The following RBMS3 variants were observed in gnomAD, a reference collection of about 807,000 sequenced individuals.
RBMS3 encodes the protein RNA binding motif single stranded interacting protein 3.
In RBMS3, 27 loss-of-function variants were observed where a neutral mutation model predicts 66.8. The ratio of observed to expected loss-of-function variants is 0.40; its 90% CI spans 0.30 to 0.56. RBMS3 has a LOEUF of 0.56. Ranked by LOEUF, RBMS3 falls within the 20% of genes least tolerant of loss-of-function variation. The pLI is 0.40. For missense variants in RBMS3, 513 were observed against 549.5 expected (o/e 0.93, Z 0.66); for synonymous variants, 188 against 183.0 (o/e 1.03, Z -0.22).
chr3:29,419,556 T>C (rs2040617536), intron 1 of RBMS3, among the ~76,000 whole-genome samples: 1 of 152,154 alleles, frequency 6.6e-6, no homozygotes, highest in African/African-American at 2.4e-5. Context: ...TTAATACCAG[T>C]AGTGTTAGGA....
intron 12 of RBMS3, among the ~76,000 whole-genome samples, chr3:29,957,775 C>T (rs969115732): frequency 1.3e-5 from 2 of 152,090 alleles, no homozygotes; most frequent in South Asian, 2.1e-4. Flanking sequence ...TGTAAAAGTA[C>T]TTTTATACTC....
At chr3:29,816,948 G>A (rs946812085) in intron 6 of RBMS3, among the ~76,000 whole-genome samples, 7 of 151,970 alleles carry the variant, frequency 4.6e-5, no homozygotes, top group Admixed American at 6.5e-5. Context: ...AAAATTAGCC[G>A]GGCATGGTGG....
At chr3:29,989,129 G>T (rs927902992) in intron 13 of RBMS3, among the ~76,000 whole-genome samples, 2 of 152,124 alleles carry the variant, frequency 1.3e-5, no homozygotes, top group African/African-American at 4.8e-5. Flanking sequence ...TTACAGACAA[G>T]AAAGAAGTTG....
At chr3:29,478,973 CAT>C (rs1380389995) in intron 2 of RBMS3, among the ~76,000 whole-genome samples, 1 of 152,246 alleles carries the variant, frequency 6.6e-6, no homozygotes, top group East Asian at 1.9e-4. Context: ...AAACCTTACA[CAT>C]GTTTTTTTGT....
chr3:29,895,507 T>C (rs1326088688), intron 8 of RBMS3, among the ~76,000 whole-genome samples: 1 of 151,536 alleles, frequency 6.6e-6, no homozygotes, highest in Non-Finnish European at 1.5e-5. Flanking sequence ...ACATACCCTT[T>C]TGAGTCTGAC....
intron 2 of RBMS3, among the ~76,000 whole-genome samples, chr3:29,441,385 A>G (rs1475445410): frequency 2.0e-5 from 3 of 152,222 alleles, no homozygotes; most frequent in Non-Finnish European, 4.4e-5. Context: ...ATATATTTAC[A>G]TTAACACAGT....
intron 14 of RBMS3, among the ~76,000 whole-genome samples, chr3:29,992,006 T>G (rs1204054458): frequency 6.6e-6 from 1 of 152,098 alleles, no homozygotes; most frequent in African/African-American, 2.4e-5. Context: ...TTTGGCAAAC[T>G]TTGGTAAAGT....
At chr3:29,656,062 AAC>A (rs2050316170) in intron 4 of RBMS3, among the ~76,000 whole-genome samples, 2 of 152,230 alleles carry the variant, frequency 1.3e-5, no homozygotes, top group South Asian at 4.1e-4. Context: ...AGGTTATTAT[AAC>A]AGTCAAAAAG....
In RBMS3 at chr3:29,621,911, C is replaced by T. The variant is rs796389279; in HGVS notation, c.399+34706C>T. ...AATTTGGGATGCCTAATCTAGTCTTCGCTTTTGCTGTAGGAGAATCTACAT... is the reference window on the plus strand; with the variant it reads ...AATTTGGGATGCCTAATCTAGTCTTTGCTTTTGCTGTAGGAGAATCTACAT... On this transcript the variant is annotated intron_variant, in intron 4 of 14. Coordinates refer to ENST00000383767, the MANE Select transcript of RBMS3 (RefSeq NM_001003793.3). Among the ~76,000 whole-genome samples the T allele has an allele frequency of 1.1e-4, 17 of 152,276 alleles. No individual in the cohort carries two copies. In the South Asian group the frequency reaches 1.2e-3, roughly 11 times the overall value.
At chr3:29,773,608 G>A (rs1232360300) in intron 6 of RBMS3, among the ~76,000 whole-genome samples, 1 of 152,040 alleles carries the variant, frequency 6.6e-6, no homozygotes, top group East Asian at 1.9e-4. Context: ...TGTTATTAGA[G>A]CAAATGTTAG....
At chr3:29,476,687 G>C (rs1181298345) in intron 2 of RBMS3, among the ~76,000 whole-genome samples, 1 of 152,034 alleles carries the variant, frequency 6.6e-6, no homozygotes, top group African/African-American at 2.4e-5. Flanking sequence ...GAAAAACAGA[G>C]TTATTTTGAA....
At chr3:29,832,715 G>A (rs1392134938) in intron 6 of RBMS3, among the ~76,000 whole-genome samples, 1 of 152,124 alleles carries the variant, frequency 6.6e-6, no homozygotes, top group African/African-American at 2.4e-5. Context: ...CTGAGTGGTT[G>A]GAAGAAACTG....
chr3:29,390,413 G>A (rs1428859203), intron 1 of RBMS3, among the ~76,000 whole-genome samples: 1 of 152,018 alleles, frequency 6.6e-6, no homozygotes, highest in African/African-American at 2.4e-5. Context: ...AGCTGGGAAG[G>A]CCCTGACTAT....
At chr3:29,450,914 C>A (rs1256699972) in intron 2 of RBMS3, among the ~76,000 whole-genome samples, 1 of 118,338 alleles carries the variant, frequency 8.5e-6, no homozygotes, top group Non-Finnish European at 1.9e-5. Context: ...CACACACACA[C>A]ACACACACAC....
chr3:29,825,406 C>A (rs921575051), intron 6 of RBMS3, among the ~76,000 whole-genome samples: 6 of 152,034 alleles, frequency 3.9e-5, no homozygotes, highest in Admixed American at 1.3e-4. Flanking sequence ...GTTTCCCCAC[C>A]CAAATCTCAT....
At chr3:29,811,793 A>G (rs1559696929) in intron 6 of RBMS3, among the ~76,000 whole-genome samples, 1 of 152,262 alleles carries the variant, frequency 6.6e-6, no homozygotes, top group African/African-American at 2.4e-5. Context: ...GACCTCAAAA[A>G]TGTTCTTTTT....
intron 1 of RBMS3, among the ~76,000 whole-genome samples, chr3:29,432,679 C>A (rs1377747053): frequency 6.6e-6 from 1 of 152,130 alleles, no homozygotes; most frequent in African/African-American, 2.4e-5. Flanking sequence ...CTGTTAGAGG[C>A]AGGCATTAAA....
At chr3:29,531,225 G>A (rs1461797637) in intron 3 of RBMS3, among the ~76,000 whole-genome samples, 1 of 152,230 alleles carries the variant, frequency 6.6e-6, no homozygotes, top group Non-Finnish European at 1.5e-5. Context: ...TCACCTGGGG[G>A]CTTGCCAGAC....
intron 4 of RBMS3, among the ~76,000 whole-genome samples, chr3:29,726,367 G>A (rs2053876134): frequency 6.6e-6 from 1 of 152,120 alleles, no homozygotes; most frequent in African/African-American, 2.4e-5. Context: ...AGGGCAATCA[G>A]TCAAGAGAAA....
Sources: allele counts gnomAD v4.1 joint callset (sites outside exome capture counted in the v4.1 genomes callset), GRCh38; gene constraint gnomAD v4.1.1; transcripts MANE v1.5; gene names NCBI Gene and HGNC (gene_info 2026-07-23, HGNC 2026-07-21).